Variants in SBNO2 observed in about 807,000 individuals in gnomAD.
SBNO2 encodes protein strawberry notch homolog 2.
In SBNO2, 89 loss-of-function variants were observed where a neutral mutation model predicts 146.3. That is an observed-to-expected ratio of 0.61 (90% confidence interval 0.51 to 0.73). The LOEUF (loss-of-function observed/expected upper bound fraction) is 0.73. Among genes scored for constraint, SBNO2 ranks in the 30% least tolerant of loss-of-function variants. The pLI is 0.00. For missense variants in SBNO2, 2,092 were observed against 2,003.7 expected (o/e 1.04, Z -0.84); for synonymous variants, 1,147 against 892.6 (o/e 1.29, Z -5.08).
At chr19:1,127,526 C>T (rs749794935) in intron 5 of SBNO2, 78 bp downstream of exon 5, 7 of 1,384,800 alleles carry the variant, frequency 5.1e-6, no homozygotes, top group Admixed American at 1.7e-5. Context: ...ACTGAGACCT[C>T]ACTGGACCGT....
At chr19:1,137,076 A>G (rs1206603886) in intron 4 of SBNO2, among the ~76,000 whole-genome samples, 1 of 146,664 alleles carries the variant, frequency 6.8e-6, no homozygotes, top group East Asian at 2.1e-4. Flanking sequence ...GTGAAGGAGC[A>G]CCCCCACCCC....
At chr19:1,132,192 C>CCTCATG in intron 4 of SBNO2, 2 of 1,378,750 alleles carry the variant, frequency 1.5e-6, no homozygotes, top group Non-Finnish European at 1.9e-6. Context: ...GGAGCGGCTC[C>CCTCATG]CTCATGACCG....
chr19:1,123,723 T>C, intron 6 of SBNO2, 84 bp from the exon 7 acceptor site: 12 of 1,373,852 alleles, frequency 8.7e-6, no homozygotes, highest in Non-Finnish European at 1.2e-5. Context: ...GGGGCCAGGC[T>C]GACCATGGGC....
intron 1 of SBNO2, among the ~76,000 whole-genome samples, chr19:1,156,027 C>A (rs778812367): frequency 6.6e-6 from 1 of 152,308 alleles, no homozygotes; most frequent in Non-Finnish European, 1.5e-5. Flanking sequence ...AGGGCCCAGG[C>A]CCCACGGTGG....
chr19:1,124,005 C>A lies in SBNO2; in HGVS notation c.459G>T (p.Arg153Ser), dbSNP rs1352553977. The A allele has an allele frequency of 6.2e-7, 1 of 1,611,584 alleles. No homozygotes were observed. The highest frequency in any genetic ancestry group is 8.5e-7 in the Non-Finnish European group (1 of 1,179,196). ...GAAAGTCCTCGAAGCCTGCAAACGG[C>A]CTGCTGAGCTGGAACAGCTGGAAGG... ...STHDKLFQLS[R>S]PFAGFEDFLP... is the part of the protein sequence containing the mutation. The change falls in exon 6 of 32, where the codon AGG becomes AGT. Residue 153 changes from arginine (R) to serine (S), a missense_variant. Coordinates refer to ENST00000361757, the MANE Select transcript of SBNO2 (RefSeq NM_014963.3).
At chr19:1,156,815 G>A (rs1008034601) in intron 1 of SBNO2, among the ~76,000 whole-genome samples, 3 of 151,930 alleles carry the variant, frequency 2.0e-5, no homozygotes, top group African/African-American at 7.3e-5. Flanking sequence ...AAGGGGATGC[G>A]TGGGTGCCGG....
chr19:1,138,848 G>T (rs1326425124), intron 4 of SBNO2, among the ~76,000 whole-genome samples: 4 of 141,926 alleles, frequency 2.8e-5, no homozygotes, highest in Middle Eastern at 4.1e-3. Context: ...CCTCCATCAC[G>T]GACAGACACA....
rs144369633 is a variant in SBNO2, at chr19:1,146,847, T to C, written c.279+462A>G. ...TCCGCCTGATGCCGCAGTGGGAGGC[T>C]GGGAGCCTCCCCGCGACCCTGGGGA... On this transcript the variant is annotated intron_variant, in intron 4 of 31. Coordinates refer to ENST00000361757, the MANE Select transcript of SBNO2 (RefSeq NM_014963.3). Among the ~76,000 whole-genome samples, 714 of 147,226 alleles carry C rather than the reference T, an allele frequency of 4.8e-3. 4 individuals are homozygous for C. Among genetic ancestry groups the C allele is most frequent in the African/African-American group, 0.016 (666 of 40,730 alleles).
chr19:1,144,449 C>T lies in SBNO2; in HGVS notation c.279+2860G>A, dbSNP rs941447810. Among the ~76,000 whole-genome samples, 2 of 152,132 alleles carry T rather than the reference C, an allele frequency of 1.3e-5. No individual in the cohort carries two copies. Among genetic ancestry groups the T allele is most frequent in the Non-Finnish European group, 2.9e-5 (2 of 68,038 alleles). ...TGCTCACAGAACCAGCACAGTGGCCCCGAGGGCTCCGGGCTGAACAGATGC... is the reference window on the plus strand; with the variant it reads ...TGCTCACAGAACCAGCACAGTGGCCTCGAGGGCTCCGGGCTGAACAGATGC... On this transcript the variant is annotated intron_variant, in intron 4 of 31. Coordinates refer to ENST00000361757, the MANE Select transcript of SBNO2 (RefSeq NM_014963.3). The surrounding 1 kb of genome is among the most constrained non-coding windows in gnomAD (Gnocchi z 4.1).
In SBNO2 at chr19:1,112,019, T is replaced by C. The variant is rs1325495644; in HGVS notation, c.2677A>G (p.Ser893Gly). The C allele has an allele frequency of 6.2e-7, 1 of 1,611,810 alleles. No individual in the cohort carries two copies. The highest frequency in any genetic ancestry group is 2.2e-5 in the East Asian group (1 of 44,828). The change falls in exon 23 of 32, where the codon AGC (serine) becomes GGC (glycine). Residue 893 changes from serine (S) to glycine (G), a missense_variant. By Grantham distance (56) the Ser-to-Gly change is moderately conservative (BLOSUM62 0). Transcript: ENST00000361757. This position sits in a 1 kb window ranked among gnomAD's most constrained non-coding sequence, Gnocchi z 5.9. The stretch of plus-strand genomic sequence containing the variant: ...ACCTTGTTCTCAAAGTTGTACTTGC[T>C]GAGGTCACGGGACTCCGTGGCGCGG... ...DRRATESRDL[S>G]KYNFENKYGT...
rs1241935576 is a variant in SBNO2 at position 1,150,698 on chromosome 19, C to T, written c.94-1256G>A. On this transcript the variant is annotated intron_variant, in intron 2 of 31. Coordinates refer to ENST00000361757, the MANE Select transcript of SBNO2 (RefSeq NM_014963.3). The surrounding 1 kb of genome is among the most constrained non-coding windows in gnomAD (Gnocchi z 6.2). The stretch of plus-strand genomic sequence containing the variant: ...GAGTCCCCCAGTGACCTCTCCCAGG[C>T]CCACGTGAGCCCTGCTCCTCTATGA... Among the ~76,000 whole-genome samples the T allele has an allele frequency of 6.6e-6, 1 of 152,164 alleles. No homozygotes were observed. Among genetic ancestry groups the T allele is most frequent in the Non-Finnish European group, 1.5e-5 (1 of 68,002 alleles).
chr19:1,138,773 T>C (rs1026747817), intron 4 of SBNO2, among the ~76,000 whole-genome samples: 2 of 143,086 alleles, frequency 1.4e-5, no homozygotes, highest in South Asian at 2.2e-4. Flanking sequence ...CACGCCTCCA[T>C]CACGGACAGA....
At position 1,126,887 on chromosome 19, in the gene SBNO2, A is replaced by G. The variant is rs774707329; in HGVS notation, c.441+717T>C. 1.4e-4 allele frequency among the ~76,000 whole-genome samples: 22 copies of G among 152,140 alleles called. No homozygotes were observed. The highest frequency in any genetic ancestry group is 2.6e-4 in the Non-Finnish European group (18 of 68,020). ...TCACCAGACACCTCCACTGAGTCGC[A>G]CTGGGGCACGGCTAGAGGCTAGGCC... On this transcript the variant is annotated intron_variant, in intron 5 of 31. Coordinates refer to ENST00000361757, the MANE Select transcript of SBNO2 (RefSeq NM_014963.3). The surrounding 1 kb of genome is among the most constrained non-coding windows in gnomAD (Gnocchi z 4.4).
At position 1,127,714 on chromosome 19, in the gene SBNO2, C is replaced by A. The variant is rs554006179; in HGVS notation, c.331G>T (p.Val111Leu). The A allele has an allele frequency of 6.2e-7, 1 of 1,613,518 alleles. No homozygotes were observed. The highest frequency in any genetic ancestry group is 2.2e-5 in the East Asian group (1 of 44,888). The change falls in exon 5 of 32, where the codon GTG (valine) becomes TTG (leucine). Residue 111 changes from valine to leucine, a missense_variant. By Grantham distance (32) the Val-to-Leu change is conservative (BLOSUM62 1). Transcript: ENST00000361757. Reference protein sequence around the residue: ...FSNISIFSSSVDSLSDIVDTP... With the variant: ...FSNISIFSSSLDSLSDIVDTP... ...TCCACGATGTCCGACAGGGAGTCCA[C>A]GGACGAGGAGAAGATGGAGATGTTG... is the stretch of plus-strand genomic sequence containing the variant.
chr19:1,143,994 C>T (rs148581942), intron 4 of SBNO2, among the ~76,000 whole-genome samples: 1,673 of 152,310 alleles, frequency 0.011, 34 homozygotes, highest in African/African-American at 0.038. Flanking sequence ...AGGTCTGAGT[C>T]GGGAGCAGAG....
chr19:1,121,691 C>G (rs1448002635), intron 11 of SBNO2, among the ~76,000 whole-genome samples: 1 of 152,184 alleles, frequency 6.6e-6, no homozygotes. Flanking sequence ...TGAACTGTGC[C>G]CACCACACTA....
intron 1 of SBNO2, among the ~76,000 whole-genome samples, chr19:1,163,009 C>T (rs1007418446): frequency 6.6e-5 from 10 of 152,158 alleles, no homozygotes; most frequent in Admixed American, 1.3e-4. Context: ...ACAGTGCCTG[C>T]GGGCCACAAG....
At position 1,147,362 on chromosome 19, in the gene SBNO2, C is replaced by A. The variant is rs759817316; in HGVS notation, c.226G>T (p.Ala76Ser). ...AAGCTGGAGGCGGTGGCCACGGGGG[C>A]ATAGCTGGTGTCTGGGCAGGGCTGG... ...GSQPCPDTSY[A>S]PVATASSLPP... Residue 76 changes from alanine to serine, a missense_variant, in exon 4 of 32, where the codon GCC (alanine) becomes TCC (serine). Transcript: ENST00000361757. 2 of 1,546,366 alleles carry A rather than the reference C, an allele frequency of 1.3e-6. No individual in the cohort carries two copies. The highest frequency in any genetic ancestry group is 1.7e-6 in the Non-Finnish European group (2 of 1,152,024).
rs201860402 is a variant in SBNO2 at position 1,109,206 on chromosome 19, G to C, written c.3354C>G (p.Thr1118=). The C allele has an allele frequency of 2.8e-4, 444 of 1,567,294 alleles. 1 individual carries two copies. The African/African-American group carries it at 5.3e-3, about 19-fold the overall frequency. ...DSLRRKFHRV[T]AEEAKEPWES... is the part of the protein sequence containing the mutation. ...CCCAGGGCTCCTTGGCCTCCTCCGC[G>C]GTGACCTAGGGACACAGGGCCGCAT... The change falls in exon 30 of 32, where the codon ACC becomes ACG. Residue 1118 remains threonine, a synonymous_variant. Coordinates refer to ENST00000361757, the MANE Select transcript of SBNO2 (RefSeq NM_014963.3). The surrounding 1 kb of genome is among the most constrained non-coding windows in gnomAD (Gnocchi z 4.2).
Sources: allele counts gnomAD v4.1 joint callset (sites outside exome capture counted in the v4.1 genomes callset), GRCh38; gene constraint gnomAD v4.1.1; non-coding constraint Gnocchi (gnomAD v3.1); transcripts MANE v1.5; gene names NCBI Gene and HGNC (gene_info 2026-07-23, HGNC 2026-07-21).